The following TRHDE variants were observed in gnomAD, a reference collection of about 807,000 sequenced individuals.
TRHDE encodes thyrotropin-releasing hormone-degrading ectoenzyme.
TRHDE carries 72 observed loss-of-function variants against 125.7 expected under a neutral mutation model. That is an observed-to-expected ratio of 0.57 (90% CI 0.47 to 0.70). The LOEUF is 0.70. Ranked by LOEUF, TRHDE falls within the 30% of genes least tolerant of loss-of-function variation. TRHDE has a pLI of 0.00. For missense variants in TRHDE, 1,110 were observed against 1,327.1 expected, an observed-to-expected ratio of 0.84 and a Z score of 2.54; for synonymous variants, 509 against 509.1, an observed-to-expected ratio of 1.00 and a Z score of 0.00.
At chr12:72,358,936 A>C (rs954814051) in intron 2 of TRHDE, among the ~76,000 whole-genome samples, 2 of 151,602 alleles carry the variant, frequency 1.3e-5, no homozygotes, top group Non-Finnish European at 3.0e-5. Flanking sequence ...ATACTGAATC[A>C]GTTGTCAAAA....
intron 6 of TRHDE, among the ~76,000 whole-genome samples, chr12:72,539,986 G>A (rs1227434310): frequency 1.3e-5 from 2 of 151,658 alleles, no homozygotes; most frequent in Non-Finnish European, 2.9e-5. Context: ...ATGTTTTAAA[G>A]GCATGATGAA....
intron 2 of TRHDE, among the ~76,000 whole-genome samples, chr12:72,196,401 G>A (rs893060845): frequency 1.3e-5 from 2 of 151,982 alleles, no homozygotes; most frequent in Non-Finnish European, 2.9e-5. Context: ...GTTTCTTTCA[G>A]CAGTGTTTTG....
intron 7 of TRHDE, among the ~76,000 whole-genome samples, chr12:72,550,744 A>C (rs1257320784): frequency 6.6e-6 from 1 of 151,842 alleles, no homozygotes; most frequent in East Asian, 1.9e-4. Context: ...CTATCTCTTC[A>C]TATATATTTT....
Position 72,381,954 on chromosome 12 carries a change from C to CA in TRHDE, c.1315+3834dup, listed in dbSNP as rs765139028. Among the ~76,000 whole-genome samples, 164 of 152,218 alleles carry CA rather than the reference C, an allele frequency of 1.1e-3. 1 individual carries two copies. Among genetic ancestry groups the CA allele is most frequent in the Middle Eastern group, 3.4e-3 (1 of 294 alleles). ...GGTGAGTAATCTGACTAGAGAGGTA[C>CA]ATTTGCCAGAATATTATGATGTGTA... On this transcript the variant is annotated intron_variant, in intron 3 of 18. Coordinates refer to ENST00000261180, the MANE Select transcript of TRHDE (RefSeq NM_013381.3).
intron 12 of TRHDE, among the ~76,000 whole-genome samples, chr12:72,617,105 G>T (rs1341241201): frequency 6.6e-6 from 1 of 152,058 alleles, no homozygotes; most frequent in Non-Finnish European, 1.5e-5. Flanking sequence ...TAAATTTCAT[G>T]CTATTTCTAC....
At chr12:72,462,255 G>T (rs1025790994) in intron 3 of TRHDE, among the ~76,000 whole-genome samples, 8 of 152,174 alleles carry the variant, frequency 5.3e-5, no homozygotes, top group Non-Finnish European at 8.8e-5. Context: ...TAGGTCAGAA[G>T]CTTGCAGATT....
intron 3 of TRHDE, among the ~76,000 whole-genome samples, chr12:72,400,085 G>C (rs989220161): frequency 6.6e-6 from 1 of 152,014 alleles, no homozygotes; most frequent in Non-Finnish European, 1.5e-5. Context: ...TGACAACTGG[G>C]TGTCAAGCCT....
intron 2 of TRHDE, chr12:72,255,249 A>C (rs1299886067): frequency 1.3e-5 from 2 of 152,234 alleles, no homozygotes; most frequent in Non-Finnish European, 2.9e-5. Flanking sequence ...TGTGGAGGAC[A>C]GAAGAGATCA....
At chr12:72,175,919 G>A (rs1876978092) in intron 2 of TRHDE, among the ~76,000 whole-genome samples, 1 of 152,186 alleles carries the variant, frequency 6.6e-6, no homozygotes, top group Non-Finnish European at 1.5e-5. Flanking sequence ...ACGCTGAGAT[G>A]GAGTTTAGCA....
At chr12:72,225,192 C>G (rs1878101111) in intron 2 of TRHDE, among the ~76,000 whole-genome samples, 1 of 152,066 alleles carries the variant, frequency 6.6e-6, no homozygotes, top group African/African-American at 2.4e-5. Flanking sequence ...TTCTAGTGAT[C>G]ATGTTGAATT....
chr12:72,507,687 C>T (rs572763595), intron 6 of TRHDE, among the ~76,000 whole-genome samples: 2 of 152,266 alleles, frequency 1.3e-5, no homozygotes, highest in South Asian at 2.1e-4. Flanking sequence ...AACCCATTTT[C>T]GGGGAGGAAT....
chr12:72,313,715 C>A (rs575576577), intron 2 of TRHDE, among the ~76,000 whole-genome samples: 74 of 152,230 alleles, frequency 4.9e-4, no homozygotes, highest in Non-Finnish European at 9.0e-4. Flanking sequence ...TTCTACAAGT[C>A]TTGTGAAAGC....
At chr12:72,349,191 T>A (rs894297681) in intron 2 of TRHDE, among the ~76,000 whole-genome samples, 1 of 152,124 alleles carries the variant, frequency 6.6e-6, no homozygotes, top group Non-Finnish European at 1.5e-5. Flanking sequence ...TTCCTATGAA[T>A]ATCTTTGCAT....
At chr12:72,368,301 A>G (rs138167659) in intron 2 of TRHDE, among the ~76,000 whole-genome samples, 7 of 152,326 alleles carry the variant, frequency 4.6e-5, no homozygotes, top group South Asian at 2.1e-4. Context: ...GAAAGTCTCT[A>G]AATTTATTTA....
chr12:72,224,091 C>CATCTATCTATCCATCTATCTATCTATCT (rs1878057702), intron 2 of TRHDE, among the ~76,000 whole-genome samples: 1 of 50,252 alleles, frequency 2.0e-5, no homozygotes, highest in South Asian at 6.4e-4. Context: ...TCTATCTATC[C>CATCTATCTATCCATCTATCTATCTATCT]ATCTATCTAT....
chr12:72,307,330 ATTTTTTTTT>A (rs11323954), intron 2 of TRHDE, among the ~76,000 whole-genome samples: 1 of 137,154 alleles, frequency 7.3e-6, no homozygotes, highest in Non-Finnish European at 1.6e-5. Context: ...ATACCCAGCT[ATTTTTTTTT>A]TTTTTTTTGT....
rs556463278 is a variant in TRHDE, at chr12:72,669,070, G to A, written c.*5875G>A. 6.6e-6 allele frequency: 1 copy of A among 151,798 alleles called. No homozygotes were observed. The highest frequency in any genetic ancestry group is 2.4e-5 in the African/African-American group (1 of 41,478). The allele number at this position is 151,798 out of a possible 1,614,324, so 9.4% of individuals were successfully genotyped here. On this transcript the variant is annotated 3_prime_UTR_variant, in exon 19 of 19. Coordinates refer to ENST00000261180, the MANE Select transcript of TRHDE (RefSeq NM_013381.3). ...ACATTTTACATTAGCATGTTGTGTA[G>A]TGGGTTTTAAGTTATAACAGGTAAT...
intron 9 of TRHDE, 55 bp downstream of exon 9, chr12:72,563,095 T>C (rs1448631014): frequency 1.5e-6 from 2 of 1,297,328 alleles, no homozygotes; most frequent in Non-Finnish European, 2.1e-6. Flanking sequence ...CATTTGTAGG[T>C]TTAATATTTC....
At chr12:72,522,616 A>G (rs1240853092) in intron 6 of TRHDE, among the ~76,000 whole-genome samples, 2 of 152,232 alleles carry the variant, frequency 1.3e-5, no homozygotes, top group African/African-American at 4.8e-5. Flanking sequence ...AAGCAATATC[A>G]TACTTTATTA....
Sources: gnomAD v4.1 joint callset for allele counts (sites outside exome capture counted in the v4.1 genomes callset) on GRCh38, gnomAD v4.1.1 for gene constraint, MANE v1.5 for transcripts, NCBI Gene and HGNC (gene_info 2026-07-23, HGNC 2026-07-21) for gene names.